The following OVCH1 variants were observed in gnomAD, a reference collection of about 807,000 sequenced individuals.
The protein encoded by OVCH1 is ovochymase 1.
A neutral mutation model predicts 138.4 loss-of-function variants in OVCH1; 139 were observed. That is an observed-to-expected ratio of 1.00 (90% CI 0.87 to 1.16). The LOEUF is 1.16. OVCH1 is among the 50% of genes most tolerant of loss of function. The pLI, the probability that OVCH1 is intolerant of heterozygous loss-of-function variation, is 0.00. For synonymous variants in OVCH1, 453 were observed against 467.8 expected, an observed-to-expected ratio of 0.97 and a Z score of 0.41; for missense variants, 1,367 against 1,357.9, an observed-to-expected ratio of 1.01 and a Z score of -0.11.
At chr12:29,456,405 T>C (rs998826228) in intron 19 of OVCH1, among the ~76,000 whole-genome samples, 3 of 152,202 alleles carry the variant, frequency 2.0e-5, no homozygotes, top group African/African-American at 7.2e-5. Context: ...AATTTGGTCA[T>C]GATGAAACAC....
chr12:29,434,716 C>CAA (rs34624096), intron 26 of OVCH1, among the ~76,000 whole-genome samples: 49 of 151,234 alleles, frequency 3.2e-4, no homozygotes, highest in East Asian at 7.8e-4. Flanking sequence ...TCCCCAACAA[C>CAA]AAAAAAAAAC....
At chr12:29,470,620 G>T (rs919168935) in intron 16 of OVCH1, among the ~76,000 whole-genome samples, 16 of 152,086 alleles carry the variant, frequency 1.1e-4, no homozygotes, top group Non-Finnish European at 2.4e-4. Flanking sequence ...ATCTATCATT[G>T]ATGGGCGTTT....
intron 4 of OVCH1, among the ~76,000 whole-genome samples, chr12:29,493,043 GGAGA>G (rs1354251370): frequency 2.0e-5 from 3 of 152,158 alleles, no homozygotes; most frequent in African/African-American, 7.2e-5. Flanking sequence ...ATGGAACAGT[GGAGA>G]GAAAGTCTGA....
intron 19 of OVCH1, among the ~76,000 whole-genome samples, chr12:29,458,041 G>A (rs1487265633): frequency 6.6e-6 from 1 of 152,088 alleles, no homozygotes; most frequent in Non-Finnish European, 1.5e-5. Flanking sequence ...TGTGGCTGAG[G>A]ACATATATTA....
At chr12:29,481,264 G>A (rs940945975) in intron 8 of OVCH1, among the ~76,000 whole-genome samples, 1 of 152,042 alleles carries the variant, frequency 6.6e-6, no homozygotes, top group African/African-American at 2.4e-5. Flanking sequence ...ACAGTGTTTG[G>A]TGACTCAGCC....
intron 18 of OVCH1, 164 bp downstream of exon 18, chr12:29,464,343 C>G: frequency 1.2e-6 from 1 of 829,022 alleles, no homozygotes; most frequent in Non-Finnish European, 1.9e-6. Flanking sequence ...TTTTAAATAG[C>G]TCATTCTCTA....
intron 9 of OVCH1, 191 bp from the exon 11 acceptor site, chr12:29,477,669 C>G (rs1320703097): frequency 2.3e-5 from 33 of 1,437,988 alleles, no homozygotes; most frequent in Non-Finnish European, 3.0e-5. Context: ...CTCAACCCCC[C>G]AGTCTCACAT....
At chr12:29,465,753 G>C (rs1340696006) in intron 16 of OVCH1, among the ~76,000 whole-genome samples, 2 of 152,004 alleles carry the variant, frequency 1.3e-5, no homozygotes, top group Non-Finnish European at 2.9e-5. Flanking sequence ...ATCACCAAAG[G>C]CTTTTTTTAG....
exon 21 of OVCH1, chr12:29,454,880 G>C: frequency 6.2e-7 from 1 of 1,612,826 alleles, no homozygotes; most frequent in Non-Finnish European, 8.5e-7. Flanking sequence ...GTGGGTGGTG[G>C]CAATTGTTGT....
At chr12:29,492,010 AGAG>A (rs1943286645) in intron 4 of OVCH1, among the ~76,000 whole-genome samples, 1 of 152,186 alleles carries the variant, frequency 6.6e-6, no homozygotes, top group African/African-American at 2.4e-5. Flanking sequence ...GTGTTGGGTG[AGAG>A]GAGAAGAAAC....
At chr12:29,435,467 C>T (rs956245684) in intron 26 of OVCH1, among the ~76,000 whole-genome samples, 3 of 152,046 alleles carry the variant, frequency 2.0e-5, no homozygotes, top group African/African-American at 7.2e-5. Flanking sequence ...TCTGGGTTCA[C>T]GCCATTCTCC....
chr12:29,444,250 G>C (rs965964883), exon 24 of OVCH1: 2 of 1,611,150 alleles, frequency 1.2e-6, no homozygotes, highest in Admixed American at 3.3e-5. Flanking sequence ...TGAACTTTGG[G>C]AAAGTCTGGT....
rs182362194 is a variant in OVCH1 at position 29,466,563 on chromosome 12, G to A, written c.1857-1344C>T. Among the ~76,000 whole-genome samples, 16 of 152,234 alleles carry A rather than the reference G, an allele frequency of 1.1e-4. 1 individual carries two copies. Among genetic ancestry groups the A allele is most frequent in the Admixed American group, 3.9e-4 (6 of 15,276 alleles). ...AAAATTGGCAAAACTCAACTATTGC[G>A]TTAGAAATCAGAATGCTGATTACTT... On this transcript the variant is annotated intron_variant, in intron 16 of 27. Coordinates refer to ENST00000318184, the Ensembl canonical transcript of OVCH1.
rs146653301 is a variant in OVCH1, at chr12:29,485,363, A to T, written c.995+883T>A. Reference sequence around the variant, plus strand: ...AAAAGATGTCAAATAAGCTGGGTGCAGTGGTTCACGCCTGTAATCCCAGCA... The same window carrying T: ...AAAAGATGTCAAATAAGCTGGGTGCTGTGGTTCACGCCTGTAATCCCAGCA... On this transcript the variant is annotated intron_variant, in intron 8 of 27. Coordinates refer to ENST00000318184, the Ensembl canonical transcript of OVCH1. 7.7e-3 allele frequency among the ~76,000 whole-genome samples: 1,141 copies of T among 148,422 alleles called. 14 individuals are homozygous for T. The highest frequency in any genetic ancestry group is 0.027 in the African/African-American group (1,093 of 40,410).
At chr12:29,485,531 T>C (rs113711850) in intron 8 of OVCH1, among the ~76,000 whole-genome samples, 1 of 151,554 alleles carries the variant, frequency 6.6e-6, no homozygotes, top group African/African-American at 2.4e-5. Context: ...TACCAGCACT[T>C]TGGGAGGCCG....
downstream of OVCH1, among the ~76,000 whole-genome samples, chr12:29,409,212 G>T (rs1940921436): frequency 1.3e-5 from 2 of 151,838 alleles, no homozygotes; most frequent in Non-Finnish European, 1.5e-5. Context: ...TTCTTTATTA[G>T]TCTTGCTAGC....
At chr12:29,468,477 C>T (rs1282119194) in intron 16 of OVCH1, among the ~76,000 whole-genome samples, 1 of 152,046 alleles carries the variant, frequency 6.6e-6, no homozygotes, top group Non-Finnish European at 1.5e-5. Flanking sequence ...TGCTGTAAGG[C>T]GTCATGGCTC....
At chr12:29,423,947 T>C (rs1274938137), downstream of OVCH1, among the ~76,000 whole-genome samples, 1 of 151,964 alleles carries the variant, frequency 6.6e-6, no homozygotes, top group Non-Finnish European at 1.5e-5. Context: ...AGTTTTAAAA[T>C]AATGGAAATG....
chr12:29,465,405 A>G (rs111647474), intron 16 of OVCH1, among the ~76,000 whole-genome samples, 186 bp from the exon 17 acceptor site: 11,302 of 152,284 alleles, frequency 0.074, 426 homozygotes, highest in Non-Finnish European at 0.081. Flanking sequence ...CAGGAAACTT[A>G]CAATCATGGC....
Sources: gnomAD v4.1 joint callset for allele counts (sites outside exome capture counted in the v4.1 genomes callset) on GRCh38, gnomAD v4.1.1 for gene constraint, MANE v1.5 for transcripts, NCBI Gene and HGNC (gene_info 2026-07-23, HGNC 2026-07-21) for gene names.